The following NTM variants were observed in gnomAD, a reference collection of about 807,000 sequenced individuals.
The protein encoded by NTM is neurotrimin.
Under a neutral mutation model 42.1 loss-of-function variants are expected in NTM, and 13 were observed. That is an observed-to-expected ratio of 0.31 (90% CI 0.20 to 0.49). The LOEUF (loss-of-function observed/expected upper bound fraction) is 0.49. Among genes scored for constraint, NTM ranks in the 20% least tolerant of loss-of-function variants. The probability of loss-of-function intolerance (pLI) is 0.99; values close to 1 mark genes in which losing one functional copy is unlikely to be tolerated. For missense variants in NTM, 373 were observed against 452.8 expected (o/e 0.82, Z 1.60); for synonymous variants, 187 against 179.2 (o/e 1.04, Z -0.35).
chr11:132,325,610 G>A (rs1054637608), intron 7 of NTM, among the ~76,000 whole-genome samples: 196 of 152,092 alleles, frequency 1.3e-3, no homozygotes, highest in Non-Finnish European at 2.1e-3. Flanking sequence ...TCAGTGTGGC[G>A]ATTCCTCAGG....
intron 1 of NTM, among the ~76,000 whole-genome samples, chr11:131,438,630 G>A (rs528863396): frequency 1.4e-4 from 22 of 152,232 alleles, no homozygotes; most frequent in African/African-American, 4.6e-4. Flanking sequence ...TTTCAGCTCC[G>A]TTGGGTCATT....
At chr11:132,286,660 C>T (rs142132313) in intron 4 of NTM, among the ~76,000 whole-genome samples, 57 of 152,210 alleles carry the variant, frequency 3.7e-4, no homozygotes, top group Middle Eastern at 3.4e-3. Context: ...GGGGGATATT[C>T]GAATATGCAT....
chr11:131,787,088 A>T (rs1351786557), intron 1 of NTM, among the ~76,000 whole-genome samples: 2 of 152,180 alleles, frequency 1.3e-5, no homozygotes, highest in Non-Finnish European at 1.5e-5. Context: ...AACTAAACTC[A>T]TTAAGGTAAA....
At chr11:132,286,584 C>A (rs1449723417) in intron 4 of NTM, among the ~76,000 whole-genome samples, 1 of 152,144 alleles carries the variant, frequency 6.6e-6, no homozygotes, top group Non-Finnish European at 1.5e-5. Context: ...CCTCACCACT[C>A]TGTTGTTGCT....
chr11:131,870,952 T>C (rs968844859), intron 1 of NTM, among the ~76,000 whole-genome samples: 1 of 152,184 alleles, frequency 6.6e-6, no homozygotes, highest in Non-Finnish European at 1.5e-5. Context: ...GGTGGTAAGA[T>C]TGGGTCTATT....
At chr11:132,034,671 CT>C (rs1288684411) in intron 2 of NTM, among the ~76,000 whole-genome samples, 2 of 152,362 alleles carry the variant, frequency 1.3e-5, no homozygotes, top group East Asian at 3.9e-4. Context: ...ACAAAGGAAC[CT>C]GGAGAGAGGA....
intron 2 of NTM, among the ~76,000 whole-genome samples, chr11:131,968,695 G>C (rs947035891): frequency 6.6e-6 from 1 of 152,156 alleles, no homozygotes; most frequent in African/African-American, 2.4e-5. Flanking sequence ...TGGGGTTATT[G>C]CTGGGATATT....
intron 2 of NTM, among the ~76,000 whole-genome samples, chr11:131,970,772 T>C (rs2134678996): frequency 6.6e-6 from 1 of 152,338 alleles, no homozygotes; most frequent in South Asian, 2.1e-4. Flanking sequence ...ATTCCTCAGT[T>C]CATAGCACAT....
At chr11:132,302,940 C>T (rs920979745) in intron 4 of NTM, among the ~76,000 whole-genome samples, 28 of 152,194 alleles carry the variant, frequency 1.8e-4, no homozygotes, top group African/African-American at 6.0e-4. Context: ...CACCTCATCC[C>T]AGGAGATTCT....
intron 1 of NTM, among the ~76,000 whole-genome samples, chr11:131,773,591 A>AT (rs1230589530): frequency 6.6e-6 from 1 of 152,174 alleles, no homozygotes; most frequent in Non-Finnish European, 1.5e-5. Flanking sequence ...ATATTGATGC[A>AT]TTTTTAAATC....
chr11:132,315,753 C>A (rs1389130919), intron 7 of NTM, among the ~76,000 whole-genome samples: 1 of 152,176 alleles, frequency 6.6e-6, no homozygotes, highest in Non-Finnish European at 1.5e-5. Flanking sequence ...CCCATTACAT[C>A]CTCCTGCATT....
At chr11:132,032,261 G>A (rs929699732) in intron 2 of NTM, among the ~76,000 whole-genome samples, 1 of 152,138 alleles carries the variant, frequency 6.6e-6, no homozygotes, top group African/African-American at 2.4e-5. Context: ...GTTCTGTGAT[G>A]CTCTGGCTTT....
chr11:131,398,858 A>G (rs1565462419), intron 1 of NTM, among the ~76,000 whole-genome samples: 1 of 152,234 alleles, frequency 6.6e-6, no homozygotes, highest in Non-Finnish European at 1.5e-5. Flanking sequence ...CATTACTTCT[A>G]TTATATAATA....
At chr11:131,733,582 C>T (rs764667912) in intron 1 of NTM, among the ~76,000 whole-genome samples, 1 of 151,328 alleles carries the variant, frequency 6.6e-6, no homozygotes, top group Non-Finnish European at 1.5e-5. Context: ...GGCTAGAGTG[C>T]AGTGGTGCGA....
At chr11:131,526,257 G>A (rs4936137) in intron 1 of NTM, among the ~76,000 whole-genome samples, 12,851 of 152,250 alleles carry the variant, frequency 0.084, 621 homozygotes, top group Middle Eastern at 0.15. Context: ...CAGTAGAAAA[G>A]ACAGTCACCC....
rs557522093 is a variant in NTM at position 131,763,709 on chromosome 11, CTTTTTTTT to C, written c.83-147836_83-147829del. On this transcript the variant is annotated intron_variant, in intron 1 of 8. Transcript: ENST00000683400. ...CTTATCCACAGGCCCATCTCTCTCT[CTTTTTTTT>C]TTTTTTTTTTTTTTTTTTGGCATTG... 3.8e-4 allele frequency among the ~76,000 whole-genome samples: 27 copies of C among 71,380 alleles called. 2 individuals are homozygous for C. The highest frequency in any genetic ancestry group is 2.4e-3 in the East Asian group (5 of 2,086). The allele number at this position is 71,380 out of a possible 152,430, so 46.8% of individuals were successfully genotyped here.
chr11:132,071,795 C>G (rs1276002630), intron 2 of NTM, among the ~76,000 whole-genome samples: 3 of 151,840 alleles, frequency 2.0e-5, no homozygotes, highest in African/African-American at 7.3e-5. Flanking sequence ...CAGATTCACA[C>G]AAAAAAGTGC....
intron 1 of NTM, among the ~76,000 whole-genome samples, chr11:131,612,046 C>G (rs1227440232): frequency 6.6e-6 from 1 of 152,164 alleles, no homozygotes; most frequent in East Asian, 1.9e-4. Flanking sequence ...AGGTCATAGA[C>G]AGTATTATCA....
At chr11:132,140,844 G>A (rs1266077614) in intron 2 of NTM, among the ~76,000 whole-genome samples, 5 of 152,198 alleles carry the variant, frequency 3.3e-5, no homozygotes, top group Non-Finnish European at 7.3e-5. Context: ...CAGGGCACAA[G>A]CCGAATGCTC....
Sources: allele counts gnomAD v4.1 joint callset (sites outside exome capture counted in the v4.1 genomes callset), GRCh38; gene constraint gnomAD v4.1.1; transcripts MANE v1.5; gene names NCBI Gene and HGNC (gene_info 2026-07-23, HGNC 2026-07-21).